SH3GL3: variants seen among roughly 807,000 people sequenced by gnomAD.
SH3GL3 encodes the protein SH3 domain containing GRB2 like 3, endophilin A3, also known as endophilin-A3.
A neutral mutation model predicts 47.7 loss-of-function variants in SH3GL3; 33 were observed. That is an observed-to-expected ratio of 0.69 (90% CI 0.52 to 0.92). The LOEUF (loss-of-function observed/expected upper bound fraction) is 0.92. Ranked by LOEUF, SH3GL3 falls within the 40% of genes least tolerant of loss-of-function variation. The pLI is 0.00. For synonymous variants in SH3GL3, 155 were observed against 148.8 expected, an observed-to-expected ratio of 1.04 and a Z score of -0.30; for missense variants, 363 against 417.8, an observed-to-expected ratio of 0.87 and a Z score of 1.14.
At chr15:83,559,650 C>T (rs1390574690) in intron 2 of SH3GL3, among the ~76,000 whole-genome samples, 1 of 152,178 alleles carries the variant, frequency 6.6e-6, no homozygotes, top group Admixed American at 6.5e-5. Context: ...TTTGGAGAAT[C>T]AAAATGTATT....
At chr15:83,608,242 T>C (rs1048211760) in intron 8 of SH3GL3, among the ~76,000 whole-genome samples, 1 of 152,164 alleles carries the variant, frequency 6.6e-6, no homozygotes, top group African/African-American at 2.4e-5. Context: ...AAGACAGCAG[T>C]TCATTGACTT....
chr15:83,572,677 T>C lies in SH3GL3; in HGVS notation c.444T>C (p.Asp148=). ...TTGATCCACTTCAGTTACTACAAGA[T>C]AAAGATTTAAAAGAGATCGGGGTAA... is the stretch of plus-strand genomic sequence containing the variant. ...TFIDPLQLLQ[D]KDLKEIGHHL... is the part of the protein sequence containing the mutation. Residue 148 remains aspartate, a synonymous_variant, in exon 5 of 9, where the codon GAT becomes GAC. Coordinates refer to ENST00000427482, the MANE Select transcript of SH3GL3 (RefSeq NM_003027.5). 1.9e-6 allele frequency: 3 copies of C among 1,610,176 alleles called. No homozygotes were observed. The highest frequency in any genetic ancestry group is 2.5e-6 in the Non-Finnish European group (3 of 1,176,554).
chr15:83,517,787 G>A (rs527297917), intron 1 of SH3GL3, among the ~76,000 whole-genome samples: 2 of 152,020 alleles, frequency 1.3e-5, no homozygotes, highest in Non-Finnish European at 2.9e-5. Context: ...TACATGTGCA[G>A]GTTTTTTATA....
intron 7 of SH3GL3, 23 bp downstream of exon 7, chr15:83,587,109 C>T (rs759590531): frequency 1.5e-6 from 2 of 1,348,640 alleles, no homozygotes; most frequent in African/African-American, 1.4e-5. Flanking sequence ...ACGTTTCTTA[C>T]AAGCCAAGGG....
chr15:83,600,564 A>G lies in SH3GL3; in HGVS notation c.838+11793A>G, dbSNP rs564476216. Among the ~76,000 whole-genome samples the G allele has an allele frequency of 1.2e-4, 19 of 152,158 alleles. No individual in the cohort carries two copies. The South Asian group carries it at 3.7e-3, about 30-fold the overall frequency. Reference sequence around the variant, plus strand: ...ATTGGTCTATGTGCCTATTTTTATAACAGTACCATGCTGTTTTGGTGACTG... The same window carrying G: ...ATTGGTCTATGTGCCTATTTTTATAGCAGTACCATGCTGTTTTGGTGACTG... On this transcript the variant is annotated intron_variant, in intron 8 of 8. Transcript: ENST00000427482.
At chr15:83,561,454 T>G (rs2045266381) in intron 2 of SH3GL3, among the ~76,000 whole-genome samples, 1 of 152,134 alleles carries the variant, frequency 6.6e-6, no homozygotes, top group Admixed American at 6.5e-5. Flanking sequence ...TGTAAATGTA[T>G]TTAAAGAAAA....
chr15:83,448,264 C>G lies in SH3GL3; in HGVS notation c.45+686C>G, dbSNP rs2151480976. On this transcript the variant is annotated intron_variant, in intron 1 of 8. Transcript: ENST00000427482. This position sits in a 1 kb window ranked among gnomAD's most constrained non-coding sequence, Gnocchi z 4.2. ...AAACAAACAGTGCTAGACACACCTCCACGCACAGAGGATGACAAATAACAC... is the reference window on the plus strand; with the variant it reads ...AAACAAACAGTGCTAGACACACCTCGACGCACAGAGGATGACAAATAACAC... 6.6e-6 allele frequency among the ~76,000 whole-genome samples: 1 copy of G among 152,286 alleles called. No homozygotes were observed. Among genetic ancestry groups the G allele is most frequent in the African/African-American group, 2.4e-5 (1 of 41,550 alleles).
intron 5 of SH3GL3, among the ~76,000 whole-genome samples, chr15:83,575,266 A>G (rs1331880071): frequency 5.3e-5 from 8 of 152,190 alleles, no homozygotes; most frequent in African/African-American, 1.9e-4. Flanking sequence ...TGCTGTCATC[A>G]TGGAGGAAGG....
chr15:83,502,674 T>A (rs1212153726), intron 1 of SH3GL3, among the ~76,000 whole-genome samples: 1 of 152,144 alleles, frequency 6.6e-6, no homozygotes, highest in Non-Finnish European at 1.5e-5. Flanking sequence ...TCCTCCTCCC[T>A]CAGCCTCCTG....
At chr15:83,499,913 C>T (rs541404264) in intron 1 of SH3GL3, among the ~76,000 whole-genome samples, 5 of 152,264 alleles carry the variant, frequency 3.3e-5, no homozygotes, top group Admixed American at 2.6e-4. Flanking sequence ...CCAAGAGCCT[C>T]GCAACTCCCT....
chr15:83,625,706 A>AG, the SH3GL3 span, among the ~76,000 whole-genome samples: 24 of 151,692 alleles, frequency 1.6e-4, no homozygotes, highest in Non-Finnish European at 2.9e-4. Context: ...GATTTTATCC[A>AG]TTTTTTTCTC....
intron 1 of SH3GL3, among the ~76,000 whole-genome samples, chr15:83,548,638 G>C (rs1370139796): frequency 6.6e-6 from 1 of 151,986 alleles, no homozygotes; most frequent in Non-Finnish European, 1.5e-5. Context: ...TTGTTTTGTA[G>C]CTCCTTGATT....
intron 1 of SH3GL3, among the ~76,000 whole-genome samples, chr15:83,499,103 GA>G (rs2042194686): frequency 6.6e-6 from 1 of 152,026 alleles, no homozygotes; most frequent in African/African-American, 2.4e-5. Context: ...TGAGGTGGGG[GA>G]TGGGTTGCTT....
At chr15:83,574,178 G>A (rs1471968623) in intron 5 of SH3GL3, among the ~76,000 whole-genome samples, 2 of 152,144 alleles carry the variant, frequency 1.3e-5, no homozygotes, top group Non-Finnish European at 2.9e-5. Context: ...AAGGCTGAGA[G>A]TCACGGAAAG....
At chr15:83,466,511 A>G (rs997932988) in intron 1 of SH3GL3, among the ~76,000 whole-genome samples, 9 of 152,148 alleles carry the variant, frequency 5.9e-5, no homozygotes, top group African/African-American at 1.7e-4. Context: ...AGATATATGT[A>G]TATAAAATCT....
chr15:83,504,810 A>G (rs2042428675), intron 1 of SH3GL3, among the ~76,000 whole-genome samples: 1 of 152,216 alleles, frequency 6.6e-6, no homozygotes, highest in East Asian at 1.9e-4. Context: ...GATAACAGCC[A>G]TGTGAGCTGT....
At chr15:83,632,408 G>A in the SH3GL3 span, among the ~76,000 whole-genome samples, 1 of 152,190 alleles carries the variant, frequency 6.6e-6, no homozygotes, top group South Asian at 2.1e-4. Flanking sequence ...TAGATAGCTT[G>A]CCCTGTAGGG....
intron 1 of SH3GL3, among the ~76,000 whole-genome samples, chr15:83,498,262 G>T (rs1216751979): frequency 6.6e-6 from 1 of 151,988 alleles, no homozygotes; most frequent in Non-Finnish European, 1.5e-5. Flanking sequence ...TTCATCTTTG[G>T]GCATAGCACT....
chr15:83,600,828 T>C (rs1251013730), intron 8 of SH3GL3, among the ~76,000 whole-genome samples: 1 of 152,206 alleles, frequency 6.6e-6, no homozygotes. Flanking sequence ...TCCAAGAGCA[T>C]GGGATGTGTT....
Sources: gnomAD v4.1 joint callset for allele counts (sites outside exome capture counted in the v4.1 genomes callset) on GRCh38, gnomAD v4.1.1 for gene constraint, Gnocchi (gnomAD v3.1) non-coding constraint, MANE v1.5 for transcripts, NCBI Gene and HGNC (gene_info 2026-07-23, HGNC 2026-07-21) for gene names.